The following ZBTB20 variants were observed in gnomAD, a reference collection of about 807,000 sequenced individuals.
ZBTB20 encodes the protein zinc finger and BTB domain-containing protein 20.
A neutral mutation model predicts 56.9 loss-of-function variants in ZBTB20; 9 were observed. That is an observed-to-expected ratio of 0.16 (90% CI 0.10 to 0.28). The LOEUF is 0.28. Among genes scored for constraint, ZBTB20 ranks in the 10% least tolerant of loss-of-function variants. The pLI is 1.00. For synonymous variants in ZBTB20, 417 were observed against 420.7 expected (o/e 0.99, Z 0.11); for missense variants, 655 against 1,003.0 (o/e 0.65, Z 4.69).
intron 6 of ZBTB20, among the ~76,000 whole-genome samples, chr3:114,619,433 T>C (rs1180315531): frequency 6.6e-6 from 1 of 152,146 alleles, no homozygotes; most frequent in Non-Finnish European, 1.5e-5. Context: ...TGGGGATTGC[T>C]AAGTTGATTG....
chr3:114,598,297 G>A (rs1231884081), intron 6 of ZBTB20, among the ~76,000 whole-genome samples: 2 of 151,726 alleles, frequency 1.3e-5, no homozygotes, highest in Non-Finnish European at 2.9e-5. Flanking sequence ...ACTTAATAAA[G>A]ATTATTAAAA....
At chr3:114,933,389 G>A (rs1362198067) in intron 3 of ZBTB20, among the ~76,000 whole-genome samples, 1 of 152,226 alleles carries the variant, frequency 6.6e-6, no homozygotes, top group Non-Finnish European at 1.5e-5. Flanking sequence ...GTTATCCCAT[G>A]TGAAGGGTAA....
intron 6 of ZBTB20, among the ~76,000 whole-genome samples, chr3:114,540,934 A>G (rs2049037965): frequency 6.6e-6 from 1 of 152,108 alleles, no homozygotes; most frequent in African/African-American, 2.4e-5. Flanking sequence ...AGCTAAAAAA[A>G]CAATGCTACT....
At chr3:114,717,278 C>G (rs1024208396) in intron 5 of ZBTB20, among the ~76,000 whole-genome samples, 3 of 152,010 alleles carry the variant, frequency 2.0e-5, no homozygotes, top group Admixed American at 6.6e-5. Flanking sequence ...AATGTGTCTG[C>G]TTTTTTCCTT....
At chr3:114,461,995 T>C (rs1329925102) in intron 7 of ZBTB20, among the ~76,000 whole-genome samples, 2 of 152,226 alleles carry the variant, frequency 1.3e-5, no homozygotes, top group Non-Finnish European at 2.9e-5. Flanking sequence ...ATTATGTTCT[T>C]AGTCTATTTG....
At chr3:114,714,541 G>GAA (rs11294072) in intron 5 of ZBTB20, among the ~76,000 whole-genome samples, 28 of 137,530 alleles carry the variant, frequency 2.0e-4, no homozygotes, top group African/African-American at 6.7e-4. Context: ...AGCATTTCAG[G>GAA]AAAAAAAAAA....
At chr3:115,074,215 A>C (rs1309947727) in intron 1 of ZBTB20, among the ~76,000 whole-genome samples, 1 of 152,226 alleles carries the variant, frequency 6.6e-6, no homozygotes, top group Non-Finnish European at 1.5e-5. Context: ...TTACAGAATA[A>C]AATGTATCTC....
intron 6 of ZBTB20, among the ~76,000 whole-genome samples, chr3:114,651,968 A>C (rs1216767602): frequency 6.6e-6 from 1 of 152,070 alleles, no homozygotes; most frequent in Non-Finnish European, 1.5e-5. Context: ...AGCCATTAGG[A>C]AAATAGATGA....
At chr3:114,441,940 A>C (rs2090960066) in intron 7 of ZBTB20, among the ~76,000 whole-genome samples, 1 of 152,152 alleles carries the variant, frequency 6.6e-6, no homozygotes, top group Non-Finnish European at 1.5e-5. Context: ...CAAACAAACA[A>C]ATAAAATACA....
chr3:114,933,239 G>C (rs2076420163), intron 3 of ZBTB20, among the ~76,000 whole-genome samples: 1 of 152,152 alleles, frequency 6.6e-6, no homozygotes, highest in Admixed American at 6.5e-5. Context: ...CCCTGTATTT[G>C]GGGGTAGTTT....
chr3:114,431,436 AG>A (rs1231500791), intron 7 of ZBTB20, among the ~76,000 whole-genome samples: 1 of 152,230 alleles, frequency 6.6e-6, no homozygotes, highest in Non-Finnish European at 1.5e-5. Flanking sequence ...GTAATTTTCC[AG>A]AGCATGTTCA....
intron 6 of ZBTB20, among the ~76,000 whole-genome samples, chr3:114,671,752 C>G (rs904584247): frequency 2.0e-5 from 3 of 152,030 alleles, no homozygotes; most frequent in Admixed American, 1.3e-4. Flanking sequence ...TAGAGAGACT[C>G]ACAAAATGTT....
At position 115,060,132 on chromosome 3, in the gene ZBTB20, C is replaced by T. The variant is rs147571526; in HGVS notation, c.-507+11087G>A. The stretch of plus-strand genomic sequence containing the variant: ...AACTTTGTATCATTACTCAAACAAC[C>T]TCTTTTAACACCCATCTTCTTGATT... On this transcript the variant is annotated intron_variant, in intron 2 of 11. Coordinates refer to ENST00000675478, the MANE Select transcript of ZBTB20 (RefSeq NM_001348800.3). Among the ~76,000 whole-genome samples the T allele has an allele frequency of 3.9e-5, 6 of 152,148 alleles. No individual in the cohort carries two copies. In the East Asian group the frequency reaches 1.2e-3, roughly 29 times the overall value.
chr3:114,716,060 C>T (rs1163655417), intron 5 of ZBTB20, among the ~76,000 whole-genome samples: 1 of 152,150 alleles, frequency 6.6e-6, no homozygotes, highest in Non-Finnish European at 1.5e-5. Flanking sequence ...TGTACATGTC[C>T]CTTTTCACAC....
At position 114,966,840 on chromosome 3, in the gene ZBTB20, TA is replaced by T. The variant is rs560927482; in HGVS notation, c.-456+7525del. 1.8e-4 allele frequency among the ~76,000 whole-genome samples: 27 copies of T among 152,258 alleles called. 1 individual carries two copies. The South Asian group carries it at 3.5e-3, about 20-fold the overall frequency. ...ATGAAAATATTTACATAAAGTTAAA[TA>T]TTTTTTTAAAAAATCTTTAAAAAGT... On this transcript the variant is annotated intron_variant, in intron 3 of 11. Coordinates refer to ENST00000675478, the MANE Select transcript of ZBTB20 (RefSeq NM_001348800.3).
At chr3:114,446,667 A>AGCATGT (rs1298211488) in intron 7 of ZBTB20, among the ~76,000 whole-genome samples, 1 of 152,158 alleles carries the variant, frequency 6.6e-6, no homozygotes, top group Non-Finnish European at 1.5e-5. Context: ...GTGTTTGACA[A>AGCATGT]AAGCATGTAT....
At chr3:115,011,009 C>G (rs1215912674) in intron 2 of ZBTB20, among the ~76,000 whole-genome samples, 1 of 151,758 alleles carries the variant, frequency 6.6e-6, no homozygotes, top group African/African-American at 2.4e-5. Flanking sequence ...AATTGGCCTA[C>G]TAAAGAATGT....
intron 1 of ZBTB20, among the ~76,000 whole-genome samples, chr3:115,135,410 A>G (rs2084627223): frequency 6.6e-6 from 1 of 152,224 alleles, no homozygotes; most frequent in South Asian, 2.1e-4. Flanking sequence ...CAGAAAGCAT[A>G]TTCCTGAATA....
chr3:115,005,029 G>A (rs1001277348), intron 2 of ZBTB20, among the ~76,000 whole-genome samples: 10 of 151,564 alleles, frequency 6.6e-5, no homozygotes, highest in African/African-American at 2.4e-4. Context: ...GTGTGTGTGG[G>A]CCTGTTTATG....
Sources: allele counts gnomAD v4.1 joint callset (sites outside exome capture counted in the v4.1 genomes callset), GRCh38; gene constraint gnomAD v4.1.1; transcripts MANE v1.5; gene names NCBI Gene and HGNC (gene_info 2026-07-23, HGNC 2026-07-21).